The following NEDD9 variants were observed in gnomAD, a reference collection of about 807,000 sequenced individuals.
NEDD9 encodes the protein enhancer of filamentation 1.
NEDD9 carries 26 observed loss-of-function variants against 76.6 expected under a neutral mutation model. That is an observed-to-expected ratio of 0.34 (90% CI 0.25 to 0.47). The LOEUF (loss-of-function observed/expected upper bound fraction) is 0.47, where lower values mean the gene tolerates loss of function less well. Ranked by LOEUF, NEDD9 falls within the 20% of genes least tolerant of loss-of-function variation. The pLI is 1.00. For synonymous variants in NEDD9, 392 were observed against 414.2 expected (o/e 0.95, Z 0.65); for missense variants, 937 against 1,058.5 (o/e 0.89, Z 1.59).
At chr6:11,345,078 G>A (rs141042357) in intron 1 of NEDD9, among the ~76,000 whole-genome samples, 5 of 152,276 alleles carry the variant, frequency 3.3e-5, no homozygotes, top group South Asian at 4.1e-4. Context: ...AGAATAGGGC[G>A]GTGGAGAAGA....
intron 3 of NEDD9, among the ~76,000 whole-genome samples, chr6:11,255,263 C>T (rs996490837): frequency 9.9e-5 from 15 of 152,280 alleles, no homozygotes; most frequent in Middle Eastern, 3.4e-3. Flanking sequence ...AATGTGTGGT[C>T]GGAGGGATTC....
At chr6:11,355,745 G>C (rs1390630939) in intron 1 of NEDD9, among the ~76,000 whole-genome samples, 5 of 151,684 alleles carry the variant, frequency 3.3e-5, no homozygotes, top group Admixed American at 1.3e-4. Flanking sequence ...TTTTGAGACA[G>C]AGTCTCGCTC....
chr6:11,217,868 C>T (rs1202060802), intron 1 of NEDD9, among the ~76,000 whole-genome samples: 1 of 152,242 alleles, frequency 6.6e-6, no homozygotes, highest in Non-Finnish European at 1.5e-5. Context: ...TAGCCTTGAT[C>T]CCCAGCCCAA....
intron 3 of NEDD9, among the ~76,000 whole-genome samples, chr6:11,242,788 C>G (rs1322254381): frequency 6.6e-6 from 1 of 152,142 alleles, no homozygotes; most frequent in Non-Finnish European, 1.5e-5. Flanking sequence ...TGTTCAAAAA[C>G]CTGGAGGCCA....
At chr6:11,378,438 T>G (rs1414570686) in intron 1 of NEDD9, among the ~76,000 whole-genome samples, 1 of 152,134 alleles carries the variant, frequency 6.6e-6, no homozygotes, top group Non-Finnish European at 1.5e-5. Flanking sequence ...CTTTTTTCTT[T>G]GCAGATTACC....
At position 11,213,547 on chromosome 6, in the gene NEDD9, C is replaced by A. The variant is rs1326024939; in HGVS notation, c.193G>T (p.Gly65Cys). The stretch of plus-strand genomic sequence containing the variant: ...CTGGAGGCAGTCTCCTGCATGGGAC[C>A]AATCAGAAGCTTCACCCGGTTGCCT... ...VPGNRVKLLI[G>C]PMQETASSHE... is the part of the protein sequence containing the mutation. Residue 65 changes from glycine to cysteine, a missense_variant, in exon 2 of 7, where the codon GGT becomes TGT. Gly to Cys is a radical substitution (Grantham distance 159, BLOSUM62 -3). Coordinates refer to ENST00000379446, the MANE Select transcript of NEDD9 (RefSeq NM_006403.4). The surrounding 1 kb of genome is among the most constrained non-coding windows in gnomAD (Gnocchi z 5.4). The A allele has an allele frequency of 3.1e-6, 5 of 1,614,014 alleles. No individual in the cohort carries two copies. Among genetic ancestry groups the A allele is most frequent in the East Asian group, 2.2e-5 (1 of 44,886 alleles).
At chr6:11,195,919 G>A (rs1239286301) in intron 2 of NEDD9, among the ~76,000 whole-genome samples, 3 of 152,158 alleles carry the variant, frequency 2.0e-5, no homozygotes, top group Non-Finnish European at 2.9e-5. Flanking sequence ...ACTTGAATTC[G>A]AGAGGCGGAG....
At chr6:11,340,149 A>G (rs1029943639) in intron 1 of NEDD9, among the ~76,000 whole-genome samples, 4 of 152,216 alleles carry the variant, frequency 2.6e-5, no homozygotes, top group Non-Finnish European at 4.4e-5. Context: ...GCCTGAATGA[A>G]TAACGCCTCA....
At chr6:11,194,040 T>C (rs1169049869) in intron 2 of NEDD9, among the ~76,000 whole-genome samples, 1 of 152,004 alleles carries the variant, frequency 6.6e-6, no homozygotes, top group Non-Finnish European at 1.5e-5. Context: ...TTTGTATTTT[T>C]AGTAGAGACA....
At chr6:11,366,559 C>A (rs950083889) in intron 1 of NEDD9, among the ~76,000 whole-genome samples, 11 of 152,038 alleles carry the variant, frequency 7.2e-5, no homozygotes, top group Non-Finnish European at 8.8e-5. Context: ...ATGGGATAGC[C>A]ATTAGAGGTT....
intron 1 of NEDD9, among the ~76,000 whole-genome samples, chr6:11,222,743 C>G (rs571063406): frequency 1.3e-5 from 2 of 152,210 alleles, no homozygotes; most frequent in African/African-American, 4.8e-5. Context: ...TGAAACTCTG[C>G]GCTTCTTAGT....
At chr6:11,200,244 A>G (rs1369009552) in intron 2 of NEDD9, 10 of 455,526 alleles carry the variant, frequency 2.2e-5, no homozygotes, top group Non-Finnish European at 4.0e-5. Flanking sequence ...TGTATCCAAA[A>G]TAAGGATTAA....
At chr6:11,298,540 T>C (rs1404564327) in intron 3 of NEDD9, among the ~76,000 whole-genome samples, 1 of 152,244 alleles carries the variant, frequency 6.6e-6, no homozygotes, top group East Asian at 1.9e-4. Flanking sequence ...ACAGCTGGAA[T>C]GAAATACTGA....
Position 11,343,221 on chromosome 6 carries a change from A to G in NEDD9, c.-213-8660T>C, listed in dbSNP as rs182718737. On this transcript the variant is annotated intron_variant, in intron 1 of 3. Transcript: ENST00000397378. ...GAGGCGGGTGGATCATGAGGTCAGG[A>G]GTTCGAGACCAGCCTGACTAACATG... 2.1e-3 allele frequency among the ~76,000 whole-genome samples: 324 copies of G among 152,180 alleles called. 4 individuals carry two copies. The highest frequency in any genetic ancestry group is 7.2e-3 in the African/African-American group (297 of 41,526).
At chr6:11,353,078 G>A (rs1440415045) in intron 1 of NEDD9, among the ~76,000 whole-genome samples, 1 of 152,208 alleles carries the variant, frequency 6.6e-6, no homozygotes, top group East Asian at 1.9e-4. Flanking sequence ...TTCCTGTCGG[G>A]GTCCCAGGCT....
upstream of NEDD9, among the ~76,000 whole-genome samples, chr6:11,236,069 T>G (rs971055913): frequency 3.3e-5 from 5 of 152,200 alleles, no homozygotes; most frequent in African/African-American, 1.2e-4. The surrounding 1 kb of genome is among the most constrained non-coding windows in gnomAD (Gnocchi z 5.5). Context: ...CTTAAAACTC[T>G]TCAGGGAAAC....
chr6:11,362,887 G>A (rs908121770), intron 1 of NEDD9, among the ~76,000 whole-genome samples: 6 of 152,316 alleles, frequency 3.9e-5, no homozygotes, highest in South Asian at 2.1e-4. Context: ...TATTGGAAGG[G>A]ACAGATGTCT....
At chr6:11,202,202 A>G (rs1330207830) in intron 2 of NEDD9, among the ~76,000 whole-genome samples, 1 of 152,162 alleles carries the variant, frequency 6.6e-6, no homozygotes, top group Non-Finnish European at 1.5e-5. Flanking sequence ...GTGGGAAGTA[A>G]AATTTGACTG....
intron 1 of NEDD9, among the ~76,000 whole-genome samples, chr6:11,347,521 T>C (rs183007316): frequency 6.6e-6 from 1 of 152,264 alleles, no homozygotes; most frequent in East Asian, 1.9e-4. Flanking sequence ...GCCAATATCC[T>C]TGATGAACAT....
Sources: gnomAD v4.1 joint callset for allele counts (sites outside exome capture counted in the v4.1 genomes callset) on GRCh38, gnomAD v4.1.1 for gene constraint, Gnocchi (gnomAD v3.1) non-coding constraint, MANE v1.5 for transcripts, NCBI Gene and HGNC (gene_info 2026-07-23, HGNC 2026-07-21) for gene names.